CYP4F22: variants seen among roughly 807,000 people sequenced by gnomAD.
CYP4F22 encodes ultra-long-chain fatty acid omega-hydroxylase.
CYP4F22 carries 37 observed loss-of-function variants against 60.4 expected under a neutral mutation model. That is an observed-to-expected ratio of 0.61 (90% CI 0.47 to 0.81). The LOEUF (loss-of-function observed/expected upper bound fraction) is 0.81, where lower values mean the gene tolerates loss of function less well. Among genes scored for constraint, CYP4F22 ranks in the 30% least tolerant of loss-of-function variants. The pLI, the probability that CYP4F22 is intolerant of heterozygous loss-of-function variation, is 0.00. For synonymous variants in CYP4F22, 258 were observed against 280.5 expected, an observed-to-expected ratio of 0.92 and a Z score of 0.80; for missense variants, 655 against 715.0, an observed-to-expected ratio of 0.92 and a Z score of 0.96.
intron 1 of CYP4F22, among the ~76,000 whole-genome samples, chr19:15,511,274 A>G (rs1011017265): frequency 1.3e-5 from 2 of 151,808 alleles, no homozygotes; most frequent in African/African-American, 2.4e-5. Flanking sequence ...GCCCAGCACT[A>G]TATTAATTTT....
At chr19:15,519,263 A>AAT (rs1568354407) in intron 1 of CYP4F22, among the ~76,000 whole-genome samples, 15 of 139,236 alleles carry the variant, frequency 1.1e-4, no homozygotes, top group Non-Finnish European at 1.3e-4. Flanking sequence ...TGAGAATGGG[A>AAT]TTTTTTTTTT....
intron 4 of CYP4F22, among the ~76,000 whole-genome samples, chr19:15,536,021 G>T (rs976960242): frequency 1.3e-5 from 2 of 152,128 alleles, no homozygotes; most frequent in African/African-American, 4.8e-5. Flanking sequence ...GAGAGCACGT[G>T]GTCTTTTTAA....
intron 6 of CYP4F22, 29 bp from the exon 7 acceptor site, chr19:15,537,843 T>G (rs1412282887): frequency 6.2e-7 from 1 of 1,613,018 alleles, no homozygotes; most frequent in South Asian, 1.1e-5. Flanking sequence ...GTGGTTTCCA[T>G]GCACAGTCAC....
chr19:15,537,230 G>A (rs923471000), intron 4 of CYP4F22, 131 bp from the exon 5 acceptor site: 83 of 1,187,196 alleles, frequency 7.0e-5, no homozygotes, highest in Non-Finnish European at 3.9e-5. Context: ...GAACCTGGGA[G>A]GCGGAGGTTG....
At chr19:15,511,686 G>A (rs531687668) in intron 1 of CYP4F22, among the ~76,000 whole-genome samples, 16 of 152,236 alleles carry the variant, frequency 1.1e-4, no homozygotes, top group Non-Finnish European at 1.9e-4. Context: ...GGGGTGATGG[G>A]GCCAGCGTTG....
chr19:15,551,519 A>C lies in CYP4F22; in HGVS notation c.*48A>C, dbSNP rs751676180. ...CCCGAGGGTCCAGGCCCCGCCCCCA[A>C]AGGACCAGGACTCGCCCCAAAGATC... On this transcript the variant is annotated 3_prime_UTR_variant, in exon 14 of 14. Transcript: ENST00000269703. 45 of 1,535,766 alleles carry C rather than the reference A, an allele frequency of 2.9e-5. 1 individual carries two copies. In the South Asian group the frequency reaches 5.0e-4, roughly 17 times the overall value.
intron 12 of CYP4F22, among the ~76,000 whole-genome samples, 151 bp from the exon 13 acceptor site, chr19:15,550,519 GTGGC>G (rs886117238): frequency 2.0e-5 from 3 of 152,148 alleles, no homozygotes; most frequent in African/African-American, 7.2e-5. Flanking sequence ...GGAGGCAGGT[GTGGC>G]TGCATTGCAG....
chr19:15,546,237 A>G (rs1339352577), intron 10 of CYP4F22, among the ~76,000 whole-genome samples: 1 of 152,064 alleles, frequency 6.6e-6, no homozygotes, highest in African/African-American at 2.4e-5. Context: ...TGGCCTCCCA[A>G]AGTGCTGGGA....
At chr19:15,525,997 A>G (rs1016894365) in intron 3 of CYP4F22, among the ~76,000 whole-genome samples, 1 of 151,976 alleles carries the variant, frequency 6.6e-6, no homozygotes, top group East Asian at 1.9e-4. Context: ...CCCCATCTCT[A>G]TAAGAAAAAT....
intron 8 of CYP4F22, 136 bp downstream of exon 8, chr19:15,540,853 G>T: frequency 8.9e-7 from 1 of 1,123,106 alleles, no homozygotes; most frequent in Non-Finnish European, 1.3e-6. Flanking sequence ...GGGAGGCCAA[G>T]GCGGGAGGAT....
chr19:15,535,810 T>A (rs904446799), intron 4 of CYP4F22, among the ~76,000 whole-genome samples: 13 of 152,230 alleles, frequency 8.5e-5, no homozygotes, highest in Non-Finnish European at 1.5e-5. Context: ...ATTGACTTAT[T>A]TATTCATTTA....
chr19:15,515,587 G>T (rs1971144117), intron 1 of CYP4F22: 2 of 472,272 alleles, frequency 4.2e-6, no homozygotes, highest in South Asian at 3.7e-5. Context: ...TTAGCCAGGT[G>T]TGGTGGCGCA....
chr19:15,549,353 CA>C (rs1482624766), intron 12 of CYP4F22, 151 bp downstream of exon 12: 4 of 756,816 alleles, frequency 5.3e-6, no homozygotes, highest in African/African-American at 1.7e-5. Context: ...ATTGTTAATT[CA>C]TTAGGGCAGA....
chr19:15,551,744 C>T lies in CYP4F22; in HGVS notation c.*273C>T. Reference sequence around the variant, plus strand: ...TCCTGTTTGAGGGACCAGGGTCGACCCTGCCCCCTTGGGCTCAGGCCCCGC... The same window carrying T: ...TCCTGTTTGAGGGACCAGGGTCGACTCTGCCCCCTTGGGCTCAGGCCCCGC... On this transcript the variant is annotated 3_prime_UTR_variant, in exon 14 of 14. Transcript: ENST00000269703. 1.8e-6 allele frequency: 1 copy of T among 551,594 alleles called. No homozygotes were observed. 34.2% of individuals were successfully genotyped at this position (551,594 alleles called of 1,614,324 possible).
chr19:15,513,751 C>G (rs1446995306), intron 1 of CYP4F22, among the ~76,000 whole-genome samples: 1 of 152,128 alleles, frequency 6.6e-6, no homozygotes, highest in Non-Finnish European at 1.5e-5. Flanking sequence ...TCCGCACCCC[C>G]CTCGGTCTCC....
intron 10 of CYP4F22, among the ~76,000 whole-genome samples, chr19:15,544,749 A>C (rs1971501988): frequency 6.6e-6 from 1 of 152,188 alleles, no homozygotes; most frequent in African/African-American, 2.4e-5. Context: ...CAGAAGCACA[A>C]AAAGCCATGA....
intron 6 of CYP4F22, 86 bp downstream of exon 6, chr19:15,537,748 T>C (rs1568360415): frequency 1.2e-6 from 2 of 1,606,724 alleles, no homozygotes; most frequent in East Asian, 2.2e-5. Context: ...AGCCATGTGA[T>C]GTCAGGAGCC....
chr19:15,522,147 GA>G (rs5827288), intron 1 of CYP4F22, among the ~76,000 whole-genome samples: 20,859 of 82,864 alleles, frequency 0.25, 2,171 homozygotes, highest in East Asian at 0.66. Context: ...CTTTGTCTCA[GA>G]AAAAAAAAAA....
At chr19:15,511,969 G>A (rs867466202) in intron 1 of CYP4F22, among the ~76,000 whole-genome samples, 18 of 152,340 alleles carry the variant, frequency 1.2e-4, no homozygotes, top group Middle Eastern at 6.8e-3. Flanking sequence ...CTCTACCAAG[G>A]CGGGCCTGCT....
Sources: gnomAD v4.1 joint callset for allele counts (sites outside exome capture counted in the v4.1 genomes callset) on GRCh38, gnomAD v4.1.1 for gene constraint, MANE v1.5 for transcripts, NCBI Gene and HGNC (gene_info 2026-07-23, HGNC 2026-07-21) for gene names.